Variants in LCE3A observed in about 807,000 individuals in gnomAD.
LCE3A encodes late cornified envelope 3A.
For synonymous variants in LCE3A, 46 were observed against 42.7 expected (o/e 1.08, Z -0.30); for missense variants, 130 against 113.9 (o/e 1.14, Z -0.64).
chr1:152,622,973 T>C lies in LCE3A; in HGVS notation c.131A>G (p.Glu44Gly), dbSNP rs1025306644. 1.9e-6 allele frequency: 3 copies of C among 1,613,924 alleles called. No homozygotes were observed. The highest frequency in any genetic ancestry group is 2.5e-6 in the Non-Finnish European group (3 of 1,180,026). The change falls in exon 1 of 1, where the codon GAG becomes GGG. Residue 44 changes from glutamate (E) to glycine (G), a missense_variant. Coordinates refer to ENST00000335674, the MANE Select transcript of LCE3A (RefSeq NM_178431.1). ...PSSGGCGPSSERSCCLSHHRC... is the reference protein window; with the variant it reads ...PSSGGCGPSSGRSCCLSHHRC... ...GTGGTGACTCAGGCAGCAGCTGCGC[T>C]CGGAGCTGGGCCCACAGCCCCCAGA... is the stretch of plus-strand genomic sequence containing the variant.
In LCE3A at chr1:152,622,975, GGAGCTGGGCCCACAGCCCCCA is replaced by G; in HGVS notation, c.108_128del (p.Gly37_Ser43del). 6.2e-7 allele frequency: 1 copy of G among 1,614,114 alleles called. No individual in the cohort carries two copies. The highest frequency in any genetic ancestry group is 8.5e-7 in the Non-Finnish European group (1 of 1,180,014). ...GGTGACTCAGGCAGCAGCTGCGCTC[GGAGCTGGGCCCACAGCCCCCA>G]GAGCTTGGGGCACAGCTGGAGGAAG... On this transcript the variant is annotated inframe_deletion, in exon 1 of 1. Transcript: ENST00000335674.
Position 152,622,912 on chromosome 1 carries a change from G to A in LCE3A, c.192C>T (p.Ser64=). Residue 64 remains serine (S), a synonymous_variant, in exon 1 of 1, where the codon AGC becomes AGT. Transcript: ENST00000335674. Reference sequence around the variant, plus strand: ...CACTTCCCCTGTCACAGGAGTTGGAGCTCTGGCAACGGCAACGGTGAGACC... The same window carrying A: ...CACTTCCCCTGTCACAGGAGTTGGAACTCTGGCAACGGCAACGGTGAGACC... The part of the protein sequence containing the change: ...CRRSHRCRCQ[S]SNSCDRGSGQ... The A allele has an allele frequency of 1.2e-6, 2 of 1,614,222 alleles. No individual in the cohort carries two copies. The highest frequency in any genetic ancestry group is 1.7e-6 in the Non-Finnish European group (2 of 1,180,040).
chr1:152,622,967 C>G lies in LCE3A; in HGVS notation c.137G>C (p.Ser46Thr), dbSNP rs749489420. The change falls in exon 1 of 1, where the codon AGC (serine) becomes ACC (threonine). Residue 46 changes from serine (S) to threonine (T), a missense_variant. By Grantham distance (58) the Ser-to-Thr change is moderately conservative. Transcript: ENST00000335674. ...SGGCGPSSER[S>T]CCLSHHRCRR... Reference sequence around the variant, plus strand: ...GCATCTGTGGTGACTCAGGCAGCAGCTGCGCTCGGAGCTGGGCCCACAGCC... The same window carrying G: ...GCATCTGTGGTGACTCAGGCAGCAGGTGCGCTCGGAGCTGGGCCCACAGCC... 1.9e-6 allele frequency: 3 copies of G among 1,614,008 alleles called. No homozygotes were observed. In the East Asian group the frequency reaches 6.7e-5, roughly 36 times the overall value.
rs751058367 is a variant in LCE3A at position 152,623,013 on chromosome 1, T to G, written c.91A>C (p.Ser31Arg). 129 of 1,614,036 alleles carry G rather than the reference T, an allele frequency of 8.0e-5. No homozygotes were observed. Among genetic ancestry groups the G allele is most frequent in the Non-Finnish European group, 1.1e-4 (127 of 1,180,028 alleles). The change falls in exon 1 of 1, where the codon AGC becomes CGC. Residue 31 changes from serine to arginine, a missense_variant. Transcript: ENST00000335674. ...PAQCLPPASSSCAPSSGGCGP... is the reference protein window; with the variant it reads ...PAQCLPPASSRCAPSSGGCGP... ...CAGCCCCCAGAGCTTGGGGCACAGC[T>G]GGAGGAAGCTGGAGGCAGACACTGT...
Position 152,622,998 on chromosome 1 carries a change from A to G in LCE3A, c.106T>C (p.Ser36Pro). Reference sequence around the variant, plus strand: ...TCGGAGCTGGGCCCACAGCCCCCAGAGCTTGGGGCACAGCTGGAGGAAGCT... The same window carrying G: ...TCGGAGCTGGGCCCACAGCCCCCAGGGCTTGGGGCACAGCTGGAGGAAGCT... ...PPASSSCAPS[S>P]GGCGPSSERS... The change falls in exon 1 of 1, where the codon TCT becomes CCT. Residue 36 changes from serine (S) to proline (P), a missense_variant. Physicochemically the swap from Ser to Pro is moderately conservative, Grantham distance 74. Transcript: ENST00000335674. The G allele has an allele frequency of 6.2e-7, 1 of 1,614,050 alleles. No individual in the cohort carries two copies. Among genetic ancestry groups the G allele is most frequent in the Non-Finnish European group, 8.5e-7 (1 of 1,180,002 alleles).
Position 152,623,060 on chromosome 1 carries a change from T to G in LCE3A, c.44A>C (p.Lys15Thr). 6.2e-7 allele frequency: 1 copy of G among 1,614,198 alleles called. No homozygotes were observed. Among genetic ancestry groups the G allele is most frequent in the South Asian group, 1.1e-5 (1 of 91,086 alleles). Residue 15 changes from lysine to threonine, a missense_variant, in exon 1 of 1, where the codon AAG (lysine) becomes ACG (threonine). Coordinates refer to ENST00000335674, the MANE Select transcript of LCE3A (RefSeq NM_178431.1). ...QNQQQCQPPP[K>T]CPAKSPAQCL... ...CTGTGCTGGGCTCTTTGCAGGGCACTTGGGCGGAGGCTGGCACTGCTGCTG... is the reference window on the plus strand; with the variant it reads ...CTGTGCTGGGCTCTTTGCAGGGCACGTGGGCGGAGGCTGGCACTGCTGCTG...
Position 152,623,067 on chromosome 1 carries a change from G to A in LCE3A, c.37C>T (p.Pro13Ser), listed in dbSNP as rs779118881. Residue 13 changes from proline to serine, a missense_variant, in exon 1 of 1, where the codon CCG becomes TCG. Transcript: ENST00000335674. ...CQQNQQQCQP[P>S]PKCPAKSPAQ... ...GGGCTCTTTGCAGGGCACTTGGGCGGAGGCTGGCACTGCTGCTGGTTCTGC... is the reference window on the plus strand; with the variant it reads ...GGGCTCTTTGCAGGGCACTTGGGCGAAGGCTGGCACTGCTGCTGGTTCTGC... 14 of 1,614,118 alleles carry A rather than the reference G, an allele frequency of 8.7e-6. No homozygotes were observed. The highest frequency in any genetic ancestry group is 1.6e-4 in the Middle Eastern group (1 of 6,084).
In LCE3A at chr1:152,622,928, C is replaced by A. The variant is rs761525258; in HGVS notation, c.176G>T (p.Arg59Leu). 6.2e-7 allele frequency: 1 copy of A among 1,614,194 alleles called. No individual in the cohort carries two copies. ...LSHHRCRRSH[R>L]CRCQSSNSCD... ...GGAGTTGGAGCTCTGGCAACGGCAA[C>A]GGTGAGACCTGCGGCATCTGTGGTG... Residue 59 changes from arginine (R) to leucine (L), a missense_variant, in exon 1 of 1, where the codon CGT becomes CTT. By Grantham distance (102) the Arg-to-Leu change is moderately radical. Transcript: ENST00000335674.
In LCE3A at chr1:152,623,030, A is replaced by G; in HGVS notation, c.74T>C (p.Leu25Pro). The change falls in exon 1 of 1, where the codon CTG becomes CCG. Residue 25 changes from leucine (L) to proline (P), a missense_variant. Physicochemically the swap from Leu to Pro is moderately conservative, Grantham distance 98. Transcript: ENST00000335674. The part of the protein sequence containing the change: ...KCPAKSPAQC[L>P]PPASSSCAPS... Reference sequence around the variant, plus strand: ...GGCACAGCTGGAGGAAGCTGGAGGCAGACACTGTGCTGGGCTCTTTGCAGG... The same window carrying G: ...GGCACAGCTGGAGGAAGCTGGAGGCGGACACTGTGCTGGGCTCTTTGCAGG... 1 of 1,614,214 alleles carries G rather than the reference A, an allele frequency of 6.2e-7. No homozygotes were observed. Among genetic ancestry groups the G allele is most frequent in the Non-Finnish European group, 8.5e-7 (1 of 1,180,034 alleles).
In LCE3A at chr1:152,623,082, G is replaced by T. The variant is rs772038159; in HGVS notation, c.22C>A (p.Gln8Lys). The change falls in exon 1 of 1, where the codon CAG becomes AAG. Residue 8 changes from glutamine (Q) to lysine (K), a missense_variant. By Grantham distance (53) the Gln-to-Lys change is moderately conservative. Transcript: ENST00000335674. ...CACTTGGGCGGAGGCTGGCACTGCT[G>T]CTGGTTCTGCTGGCAGGACATCTAG... The part of the protein sequence containing the change: MSCQQNQ[Q>K]QCQPPPKCPA... 81 of 1,614,116 alleles carry T rather than the reference G, an allele frequency of 5.0e-5. No individual in the cohort carries two copies. The highest frequency in any genetic ancestry group is 6.0e-5 in the Non-Finnish European group (71 of 1,180,048).
Position 152,622,876 on chromosome 1 carries a change from G to A in LCE3A, c.228C>T (p.Gly76=), listed in dbSNP as rs112433050. The change falls in exon 1 of 1, where the codon GGC becomes GGT. Residue 76 remains glycine (G), a synonymous_variant. Coordinates refer to ENST00000335674, the MANE Select transcript of LCE3A (RefSeq NM_178431.1). ...NSCDRGSGQQ[G]GSSSCGHSSA... is the part of the protein sequence containing the mutation. ...AACTGTGGCCACAGCTGGAGCTCCC[G>A]CCTTGCTGACCACTTCCCCTGTCAC... 50 of 1,614,138 alleles carry A rather than the reference G, an allele frequency of 3.1e-5. 1 individual carries two copies. Among genetic ancestry groups the A allele is most frequent in the African/African-American group, 2.4e-4 (18 of 75,034 alleles).
Position 152,622,990 on chromosome 1 carries a change from G to T in LCE3A, c.114C>A (p.Gly38=), listed in dbSNP as rs930474525. The change falls in exon 1 of 1, where the codon GGC becomes GGA. Residue 38 remains glycine, a synonymous_variant. Transcript: ENST00000335674. The stretch of plus-strand genomic sequence containing the variant: ...AGCTGCGCTCGGAGCTGGGCCCACA[G>T]CCCCCAGAGCTTGGGGCACAGCTGG... ...ASSSCAPSSG[G]CGPSSERSCC... The T allele has an allele frequency of 1.9e-6, 3 of 1,614,056 alleles. No homozygotes were observed. Among genetic ancestry groups the T allele is most frequent in the Middle Eastern group, 1.6e-4 (1 of 6,084 alleles).
In LCE3A at chr1:152,622,979, C is replaced by G; in HGVS notation, c.125G>C (p.Ser42Thr). ...ACTCAGGCAGCAGCTGCGCTCGGAG[C>G]TGGGCCCACAGCCCCCAGAGCTTGG... ...CAPSSGGCGP[S>T]SERSCCLSHH... Residue 42 changes from serine to threonine, a missense_variant, in exon 1 of 1, where the codon AGC (serine) becomes ACC (threonine). By Grantham distance (58) the Ser-to-Thr change is moderately conservative (BLOSUM62 1). Coordinates refer to ENST00000335674, the MANE Select transcript of LCE3A (RefSeq NM_178431.1). The G allele has an allele frequency of 6.2e-7, 1 of 1,614,124 alleles. No homozygotes were observed. Among genetic ancestry groups the G allele is most frequent in the Non-Finnish European group, 8.5e-7 (1 of 1,180,024 alleles).
At position 152,622,875 on chromosome 1, in the gene LCE3A, C is replaced by T. The variant is rs1322932359; in HGVS notation, c.229G>A (p.Gly77Arg). The T allele has an allele frequency of 2.5e-6, 4 of 1,614,070 alleles. No individual in the cohort carries two copies. The highest frequency in any genetic ancestry group is 3.4e-6 in the Non-Finnish European group (4 of 1,180,048). ...GAACTGTGGCCACAGCTGGAGCTCC[C>T]GCCTTGCTGACCACTTCCCCTGTCA... ...SCDRGSGQQG[G>R]SSSCGHSSAG... The change falls in exon 1 of 1, where the codon GGG (glycine) becomes AGG (arginine). Residue 77 changes from glycine to arginine, a missense_variant. By Grantham distance (125) the Gly-to-Arg change is moderately radical (BLOSUM62 -2). Coordinates refer to ENST00000335674, the MANE Select transcript of LCE3A (RefSeq NM_178431.1).
At chr1:152,623,074 GCA>G in the LCE3A span, 1 of 1,614,246 alleles carries the variant, frequency 6.2e-7, no homozygotes, top group East Asian at 2.2e-5. Context: ...GCGGAGGCTG[GCA>G]CTGCTGCTGG....
rs768577500 is a variant in LCE3A at position 152,622,982 on chromosome 1, G to T, written c.122C>A (p.Pro41His). The change falls in exon 1 of 1, where the codon CCC (proline) becomes CAC (histidine). Residue 41 changes from proline (P) to histidine (H), a missense_variant. Transcript: ENST00000335674. ...SCAPSSGGCG[P>H]SSERSCCLSH... ...CAGGCAGCAGCTGCGCTCGGAGCTG[G>T]GCCCACAGCCCCCAGAGCTTGGGGC... The T allele has an allele frequency of 6.2e-7, 1 of 1,614,070 alleles. No homozygotes were observed. The highest frequency in any genetic ancestry group is 8.5e-7 in the Non-Finnish European group (1 of 1,180,020).
chr1:152,623,022 C>G lies in LCE3A; in HGVS notation c.82G>C (p.Ala28Pro). The G allele has an allele frequency of 1.9e-6, 3 of 1,614,206 alleles. No individual in the cohort carries two copies. The highest frequency in any genetic ancestry group is 2.5e-6 in the Non-Finnish European group (3 of 1,180,040). ...GAGCTTGGGGCACAGCTGGAGGAAGCTGGAGGCAGACACTGTGCTGGGCTC... is the reference window on the plus strand; with the variant it reads ...GAGCTTGGGGCACAGCTGGAGGAAGGTGGAGGCAGACACTGTGCTGGGCTC... Reference protein sequence around the residue: ...AKSPAQCLPPASSSCAPSSGG... With the variant: ...AKSPAQCLPPPSSSCAPSSGG... Residue 28 changes from alanine (A) to proline (P), a missense_variant, in exon 1 of 1, where the codon GCT becomes CCT. Ala to Pro is a conservative substitution (Grantham distance 27, BLOSUM62 -1). Transcript: ENST00000335674.
In LCE3A at chr1:152,622,995, C is replaced by T. The variant is rs1304738331; in HGVS notation, c.109G>A (p.Gly37Arg). ...CGCTCGGAGCTGGGCCCACAGCCCC[C>T]AGAGCTTGGGGCACAGCTGGAGGAA... ...PASSSCAPSSGGCGPSSERSC... is the reference protein window; with the variant it reads ...PASSSCAPSSRGCGPSSERSC... Residue 37 changes from glycine (G) to arginine (R), a missense_variant, in exon 1 of 1, where the codon GGG (glycine) becomes AGG (arginine). By Grantham distance (125) the Gly-to-Arg change is moderately radical. Transcript: ENST00000335674. 2 of 1,614,060 alleles carry T rather than the reference C, an allele frequency of 1.2e-6. No individual in the cohort carries two copies. The highest frequency in any genetic ancestry group is 2.2e-5 in the East Asian group (1 of 44,872).
chr1:152,622,868 G>A lies in LCE3A; in HGVS notation c.236C>T (p.Ser79Phe), dbSNP rs1282568830. 1.2e-6 allele frequency: 2 copies of A among 1,614,048 alleles called. No individual in the cohort carries two copies. The highest frequency in any genetic ancestry group is 1.7e-6 in the Non-Finnish European group (2 of 1,180,052). The change falls in exon 1 of 1, where the codon TCC becomes TTC. Residue 79 changes from serine to phenylalanine, a missense_variant. Coordinates refer to ENST00000335674, the MANE Select transcript of LCE3A (RefSeq NM_178431.1). Reference protein sequence around the residue: ...DRGSGQQGGSSSCGHSSAGCC With the variant: ...DRGSGQQGGSFSCGHSSAGCC ...GCCCGCAGAACTGTGGCCACAGCTG[G>A]AGCTCCCGCCTTGCTGACCACTTCC...
Sources: allele counts gnomAD v4.1 joint callset, GRCh38; gene constraint gnomAD v4.1.1; transcripts MANE v1.5; gene names NCBI Gene and HGNC (gene_info 2026-07-23, HGNC 2026-07-21).